Variants in ITPR2 observed in about 807,000 individuals in gnomAD.
ITPR2 encodes the protein inositol 1,4,5-trisphosphate receptor type 2.
ITPR2 carries 207 observed loss-of-function variants against 317.1 expected under a neutral mutation model. That is an observed-to-expected ratio of 0.65 (90% CI 0.58 to 0.73). ITPR2 has a LOEUF of 0.73. ITPR2 is among the 30% of genes least tolerant of loss of function. The pLI is 0.00. For synonymous variants in ITPR2, 1,156 were observed against 1,149.1 expected (o/e 1.01, Z -0.12); for missense variants, 2,613 against 3,284.0 (o/e 0.80, Z 4.99).
chr12:26,611,395 G>C (rs993191173), intron 26 of ITPR2, among the ~76,000 whole-genome samples: 3 of 152,096 alleles, frequency 2.0e-5, no homozygotes, highest in Admixed American at 1.3e-4. Flanking sequence ...AGAATAGATG[G>C]ATATGAAAAA....
intron 55 of ITPR2, among the ~76,000 whole-genome samples, chr12:26,364,545 T>A (rs1938944634): frequency 6.6e-6 from 1 of 152,084 alleles, no homozygotes; most frequent in African/African-American, 2.4e-5. Context: ...TAAACTCTAG[T>A]CTCCAGCTGG....
intron 14 of ITPR2, 119 bp from the exon 15 acceptor site, chr12:26,663,965 AACGG>A (rs1947562232): frequency 3.2e-6 from 3 of 930,416 alleles, no homozygotes. Context: ...TATTAGAGTA[AACGG>A]GAAAAACAAA....
At chr12:26,467,326 G>A (rs1942192501) in intron 45 of ITPR2, among the ~76,000 whole-genome samples, 1 of 152,020 alleles carries the variant, frequency 6.6e-6, no homozygotes, top group South Asian at 2.1e-4. Context: ...TCCTTAAAAT[G>A]CCATGGCTGT....
intron 49 of ITPR2, among the ~76,000 whole-genome samples, chr12:26,427,148 C>T (rs573712503): frequency 8.9e-4 from 135 of 152,118 alleles, no homozygotes; most frequent in Non-Finnish European, 1.6e-3. Context: ...ATGTTAGAAA[C>T]CCAGGAAAAG....
At chr12:26,684,728 T>C (rs1948094936) in intron 11 of ITPR2, among the ~76,000 whole-genome samples, 1 of 152,216 alleles carries the variant, frequency 6.6e-6, no homozygotes, top group Admixed American at 6.5e-5. Flanking sequence ...ATCGTGGTTC[T>C]ATACACTTTC....
At position 26,483,708 on chromosome 12, in the gene ITPR2, T is replaced by C; in HGVS notation, c.6002A>G (p.His2001Arg). 8 of 1,613,848 alleles carry C rather than the reference T, an allele frequency of 5.0e-6. No homozygotes were observed. The highest frequency in any genetic ancestry group is 6.8e-6 in the Non-Finnish European group (8 of 1,179,678). ...GATACTTCTGGTTACCTGATTTTCA[T>C]GGCAAGGGCCCTGGCAATACTCAGT... ...SLTEYCQGPC[H>R]ENQTCIATHE... The change falls in exon 42 of 57, where the codon CAT becomes CGT. Residue 2001 changes from histidine to arginine, a missense_variant. Transcript: ENST00000381340.
At chr12:26,589,695 G>A (rs1233557130) in intron 32 of ITPR2, among the ~76,000 whole-genome samples, 2 of 149,496 alleles carry the variant, frequency 1.3e-5, no homozygotes, top group Admixed American at 1.3e-4. Context: ...GCTGAGGCAG[G>A]AGAATCACTT....
At chr12:26,817,155 T>C (rs1352127592) in intron 1 of ITPR2, among the ~76,000 whole-genome samples, 1 of 115,170 alleles carries the variant, frequency 8.7e-6, no homozygotes, top group East Asian at 2.7e-4. Context: ...CACTCCAGCC[T>C]GGGCGACAGA....
chr12:26,683,639 C>T (rs7965507), intron 11 of ITPR2, among the ~76,000 whole-genome samples: 53,496 of 152,010 alleles, frequency 0.35, 9,883 homozygotes, highest in African/African-American at 0.43. Context: ...AAAAATGTTG[C>T]GACCAGAAGC....
At chr12:26,734,575 C>A (rs1258783747) in intron 2 of ITPR2, among the ~76,000 whole-genome samples, 1 of 151,636 alleles carries the variant, frequency 6.6e-6, no homozygotes, top group South Asian at 2.1e-4. Context: ...TAGAGGTAAG[C>A]TTGCCTTTTT....
intron 55 of ITPR2, among the ~76,000 whole-genome samples, chr12:26,367,850 T>C (rs1187905100): frequency 6.6e-6 from 1 of 152,212 alleles, no homozygotes; most frequent in Non-Finnish European, 1.5e-5. Context: ...ATTTCACTAA[T>C]GATATCAACA....
At chr12:26,728,357 C>T (rs1948969371) in intron 2 of ITPR2, among the ~76,000 whole-genome samples, 5 of 152,312 alleles carry the variant, frequency 3.3e-5, no homozygotes, top group Admixed American at 3.3e-4. Context: ...GAACAAGCTT[C>T]CACCCACTCT....
chr12:26,620,988 C>A, intron 26 of ITPR2, 135 bp downstream of exon 26: 1 of 723,028 alleles, frequency 1.4e-6, no homozygotes, highest in Non-Finnish European at 2.3e-6. Flanking sequence ...GACAACTTAG[C>A]AAATGAAAAT....
At chr12:26,639,674 T>C (rs1013430708) in intron 21 of ITPR2, among the ~76,000 whole-genome samples, 2 of 138,048 alleles carry the variant, frequency 1.4e-5, no homozygotes, top group African/African-American at 2.8e-5. Flanking sequence ...CCTGTGTCCA[T>C]GTGTTCTCAT....
chr12:26,546,076 AAC>A (rs1054589841), intron 37 of ITPR2, among the ~76,000 whole-genome samples: 9 of 152,362 alleles, frequency 5.9e-5, no homozygotes, highest in Admixed American at 2.6e-4. Flanking sequence ...AAAATTAAGA[AAC>A]AATAAAATTA....
intron 1 of ITPR2, among the ~76,000 whole-genome samples, chr12:26,818,589 G>A (rs1203526901): frequency 6.6e-6 from 1 of 152,110 alleles, no homozygotes; most frequent in African/African-American, 2.4e-5. Context: ...AGTGTAGTCA[G>A]GTTTTTAATA....
chr12:26,742,184 C>T (rs1252398837), intron 2 of ITPR2, among the ~76,000 whole-genome samples: 1 of 152,170 alleles, frequency 6.6e-6, no homozygotes, highest in Non-Finnish European at 1.5e-5. Context: ...CACCAAAAGA[C>T]ACACAAAGCA....
At chr12:26,469,957 G>A (rs540724067) in intron 45 of ITPR2, among the ~76,000 whole-genome samples, 1 of 152,280 alleles carries the variant, frequency 6.6e-6, no homozygotes, top group South Asian at 2.1e-4. Flanking sequence ...ATTGGAAGAA[G>A]TGGAAATCCA....
chr12:26,622,288 C>T lies in ITPR2; in HGVS notation c.3240G>A (p.Leu1080=). 6.2e-7 allele frequency: 1 copy of T among 1,613,928 alleles called. No individual in the cohort carries two copies. The highest frequency in any genetic ancestry group is 8.5e-7 in the Non-Finnish European group (1 of 1,179,912). The change falls in exon 25 of 57, where the codon TTG becomes TTA. Residue 1080 remains leucine, a synonymous_variant. Transcript: ENST00000381340. ...PPLLSGALQL[L]FKHFSQRAEV... ...CTGCCCTCTGGCTGAAGTGCTTAAA[C>T]AACAGCTGCAGGGCTCCAGACAGCA...
Sources: allele counts gnomAD v4.1 joint callset (sites outside exome capture counted in the v4.1 genomes callset), GRCh38; gene constraint gnomAD v4.1.1; transcripts MANE v1.5; gene names NCBI Gene and HGNC (gene_info 2026-07-23, HGNC 2026-07-21).